The following MLLT3 variants were observed in gnomAD, a reference collection of about 807,000 sequenced individuals.
MLLT3 encodes MLLT3 super elongation complex subunit.
Under a neutral mutation model 53.2 loss-of-function variants are expected in MLLT3, and 4 were observed. That is an observed-to-expected ratio of 0.08 (90% CI 0.04 to 0.17). The LOEUF is 0.17. Among genes scored for constraint, MLLT3 ranks in the 10% least tolerant of loss-of-function variants. The probability of loss-of-function intolerance (pLI) is 1.00; values close to 1 mark genes in which losing one functional copy is unlikely to be tolerated. For synonymous variants in MLLT3, 283 were observed against 230.6 expected (o/e 1.23, Z -2.06); for missense variants, 569 against 684.0 (o/e 0.83, Z 1.87).
intron 2 of MLLT3, among the ~76,000 whole-genome samples, chr9:20,497,405 TAA>T (rs71765244): frequency 0.03 from 4,601 of 152,260 alleles, 81 homozygotes; most frequent in Middle Eastern, 0.041. Context: ...CATCAACCCC[TAA>T]AAGTTTTCCC....
intron 7 of MLLT3, among the ~76,000 whole-genome samples, chr9:20,361,138 T>C (rs1179446014): frequency 1.3e-5 from 2 of 152,186 alleles, no homozygotes; most frequent in Non-Finnish European, 2.9e-5. Context: ...GGAATTCAAA[T>C]ACAAGCAAGT....
chr9:20,622,403 C>A lies in MLLT3; in HGVS notation c.-147G>T, dbSNP rs1194870310. On this transcript the variant is annotated 5_prime_UTR_variant, in exon 1 of 11. Coordinates refer to ENST00000380338, the MANE Select transcript of MLLT3 (RefSeq NM_004529.4). ...ATGGCGGACATTCTCTGCCTTTTTC[C>A]CCCCGCGCTCGCTTGCTCGCTCGCT... is the stretch of plus-strand genomic sequence containing the variant. The A allele has an allele frequency of 5.5e-6, 4 of 727,828 alleles. No individual in the cohort carries two copies. The allele number at this position is 727,828 out of a possible 1,614,324, so 45.1% of individuals were successfully genotyped here. A position where few individuals can be genotyped will look rare whatever the true frequency, so the allele number is the denominator to read the frequency against.
intron 5 of MLLT3, among the ~76,000 whole-genome samples, chr9:20,392,461 C>T (rs953324477): frequency 6.6e-6 from 1 of 152,164 alleles, no homozygotes; most frequent in African/African-American, 2.4e-5. Flanking sequence ...CTAAAATCCC[C>T]AAGATCCTCC....
intron 5 of MLLT3, among the ~76,000 whole-genome samples, chr9:20,380,560 G>A (rs1033706107): frequency 3.3e-5 from 5 of 152,062 alleles, no homozygotes; most frequent in African/African-American, 7.2e-5. Context: ...ACAATTGCAC[G>A]TACAATTCAA....
intron 5 of MLLT3, among the ~76,000 whole-genome samples, chr9:20,372,444 C>A (rs550400610): frequency 6.6e-6 from 1 of 151,978 alleles, no homozygotes; most frequent in African/African-American, 2.4e-5. Context: ...GTCACAAAGG[C>A]TGGAGTGCAG....
At position 20,448,801 on chromosome 9, in the gene MLLT3, A is replaced by C. The variant is rs1823771244; in HGVS notation, c.277-535T>G. ...TTCACTTCCTAGTTAAAATTTCAAC[A>C]GCTTCCAATAGCCATTGGGCTAAAA... On this transcript the variant is annotated intron_variant, in intron 3 of 10. Transcript: ENST00000380338. The surrounding 1 kb of genome is among the most constrained non-coding windows in gnomAD (Gnocchi z 4.0). Among the ~76,000 whole-genome samples, 1 of 152,194 alleles carries C rather than the reference A, an allele frequency of 6.6e-6. No homozygotes were observed. Among genetic ancestry groups the C allele is most frequent in the South Asian group, 2.1e-4 (1 of 4,834 alleles).
At chr9:20,363,409 T>C (rs1212890621) in intron 7 of MLLT3, 67 bp downstream of exon 7, 3 of 1,585,874 alleles carry the variant, frequency 1.9e-6, no homozygotes, top group African/African-American at 1.3e-5. Flanking sequence ...GCTGTGATTA[T>C]CCCAGCAGGG....
intron 2 of MLLT3, among the ~76,000 whole-genome samples, chr9:20,530,897 C>G (rs914179008): frequency 6.6e-6 from 1 of 152,112 alleles, no homozygotes; most frequent in Non-Finnish European, 1.5e-5. Flanking sequence ...TCCCAAAGTG[C>G]TGGGATTACA....
chr9:20,441,233 T>C (rs1234126014), intron 4 of MLLT3, among the ~76,000 whole-genome samples: 1 of 152,174 alleles, frequency 6.6e-6, no homozygotes, highest in Admixed American at 6.5e-5. Context: ...AAAGTTGTTT[T>C]ATCACACAGA....
intron 4 of MLLT3, among the ~76,000 whole-genome samples, chr9:20,443,811 A>G (rs548822300): frequency 6.6e-6 from 1 of 152,214 alleles, no homozygotes; most frequent in Non-Finnish European, 1.5e-5. Flanking sequence ...CACGTTCCCT[A>G]TGAGGAAAAC....
chr9:20,566,543 T>A (rs553109237), intron 2 of MLLT3, among the ~76,000 whole-genome samples: 63 of 152,274 alleles, frequency 4.1e-4, no homozygotes, highest in African/African-American at 1.4e-3. Flanking sequence ...TATACATGCT[T>A]ATCAGTTTAC....
chr9:20,612,263 G>C (rs1162235332), intron 2 of MLLT3, among the ~76,000 whole-genome samples: 2 of 152,086 alleles, frequency 1.3e-5, no homozygotes, highest in African/African-American at 2.4e-5. Context: ...AAAATGAAAG[G>C]GTAATCGAAG....
At chr9:20,390,734 C>T (rs7029476) in intron 5 of MLLT3, among the ~76,000 whole-genome samples, 16,351 of 152,170 alleles carry the variant, frequency 0.11, 1,975 homozygotes, top group African/African-American at 0.29. Flanking sequence ...GTTTCTTTTT[C>T]AAAAGCTGAG....
intron 3 of MLLT3, among the ~76,000 whole-genome samples, chr9:20,453,572 A>G (rs1332330414): frequency 6.6e-6 from 1 of 152,084 alleles, no homozygotes; most frequent in Non-Finnish European, 1.5e-5. Flanking sequence ...AAACAAAACA[A>G]AACCAACTTT....
At chr9:20,518,508 G>T (rs555300935) in intron 2 of MLLT3, among the ~76,000 whole-genome samples, 1 of 152,218 alleles carries the variant, frequency 6.6e-6, no homozygotes, top group East Asian at 1.9e-4. Context: ...AAATAAGTGG[G>T]CAAAATTTTA....
chr9:20,466,983 T>G (rs893870304), intron 2 of MLLT3, among the ~76,000 whole-genome samples: 15 of 152,140 alleles, frequency 9.9e-5, no homozygotes, highest in Admixed American at 4.6e-4. Flanking sequence ...TAGAAAAGCT[T>G]GGTATAAGTA....
intron 4 of MLLT3, among the ~76,000 whole-genome samples, chr9:20,446,516 G>A (rs1823704829): frequency 6.6e-6 from 1 of 152,182 alleles, no homozygotes; most frequent in Non-Finnish European, 1.5e-5. Context: ...AAGTTCTTGT[G>A]TCATATTTAC....
chr9:20,593,589 T>C (rs1444353464), intron 2 of MLLT3, among the ~76,000 whole-genome samples: 3 of 152,244 alleles, frequency 2.0e-5, no homozygotes, highest in Admixed American at 6.5e-5. Context: ...ACAACTATGG[T>C]ACATCTGTTA....
intron 5 of MLLT3, among the ~76,000 whole-genome samples, chr9:20,406,702 G>GA (rs1167263403): frequency 6.6e-6 from 1 of 152,154 alleles, no homozygotes; most frequent in East Asian, 1.9e-4. Context: ...TGAAAGGCAA[G>GA]AAAATTACCT....
Sources: gnomAD v4.1 joint callset for allele counts (sites outside exome capture counted in the v4.1 genomes callset) on GRCh38, gnomAD v4.1.1 for gene constraint, Gnocchi (gnomAD v3.1) non-coding constraint, MANE v1.5 for transcripts, NCBI Gene and HGNC (gene_info 2026-07-23, HGNC 2026-07-21) for gene names.